Variants in TBX10 observed in about 807,000 individuals in gnomAD.
The protein encoded by TBX10 is T-box transcription factor 10, also known as T-box transcription factor TBX10.
Under a neutral mutation model 32.4 loss-of-function variants are expected in TBX10, and 26 were observed. That is an observed-to-expected ratio of 0.80 (90% CI 0.59 to 1.11). The LOEUF (loss-of-function observed/expected upper bound fraction) is 1.11, where lower values mean the gene tolerates loss of function less well. Ranked by LOEUF, TBX10 falls within the 50% of genes most tolerant of loss-of-function variation. TBX10 has a pLI of 0.00. For missense variants in TBX10, 490 were observed against 494.5 expected (o/e 0.99, Z 0.09); for synonymous variants, 195 against 203.1 (o/e 0.96, Z 0.34).
Position 67,639,520 on chromosome 11 carries a change from G to T in TBX10, c.-48C>A, listed in dbSNP as rs1209195300. ...TCCTGGAGAAACACTGCTTGGCTGG[G>T]GCTGGGAACCTGCCTGCTGGAAGGG... On this transcript the variant is annotated 5_prime_UTR_variant, in exon 1 of 8. Coordinates refer to ENST00000335385, the MANE Select transcript of TBX10 (RefSeq NM_005995.5). 3 of 1,612,284 alleles carry T rather than the reference G, an allele frequency of 1.9e-6. No individual in the cohort carries two copies. The highest frequency in any genetic ancestry group is 1.7e-6 in the Non-Finnish European group (2 of 1,179,646).
At chr11:67,634,156 G>A in intron 4 of TBX10, 33 bp downstream of exon 4, 3 of 1,609,280 alleles carry the variant, frequency 1.9e-6, no homozygotes, top group African/African-American at 1.3e-5. Flanking sequence ...CTGACCCCAG[G>A]CCCTTCCGTC....
chr11:67,632,372 T>C lies in TBX10; in HGVS notation c.814A>G (p.Ser272Gly). The change falls in exon 7 of 8, where the codon AGT becomes GGT. Residue 272 changes from serine (S) to glycine (G), a missense_variant. Ser to Gly is a moderately conservative substitution (Grantham distance 56). Around this residue, in one of 3 missense-constraint regions of TBX10, gnomAD observed 177 missense variants for 176.6 expected, o/e 1.00. Coordinates refer to ENST00000335385, the MANE Select transcript of TBX10 (RefSeq NM_005995.5). ...ACACAGGGACTGAGGCTGCTGTGAC[T>C]CCGGGCTGGGACACTGAGCAGGGGC... ...PRPLLSVPARSHSSLSPCVLK... is the reference protein window; with the variant it reads ...PRPLLSVPARGHSSLSPCVLK... The C allele has an allele frequency of 6.2e-7, 1 of 1,613,186 alleles. No individual in the cohort carries two copies. Among genetic ancestry groups the C allele is most frequent in the Non-Finnish European group, 8.5e-7 (1 of 1,180,018 alleles).
upstream of TBX10, among the ~76,000 whole-genome samples, chr11:67,640,703 C>A (rs1377688583): frequency 6.6e-6 from 1 of 152,164 alleles, no homozygotes; most frequent in African/African-American, 2.4e-5. Flanking sequence ...GGCTGGAGCC[C>A]CCCATACCTC....
chr11:67,636,597 A>G (rs1183683803), intron 1 of TBX10, among the ~76,000 whole-genome samples: 1 of 152,012 alleles, frequency 6.6e-6, no homozygotes, highest in Non-Finnish European at 1.5e-5. Flanking sequence ...TCCCTGGTTC[A>G]AAAGATTCTC....
At chr11:67,641,719 G>A (rs1426291066), upstream of TBX10, among the ~76,000 whole-genome samples, 6 of 152,238 alleles carry the variant, frequency 3.9e-5, no homozygotes, top group African/African-American at 7.2e-5. Flanking sequence ...TTAGGCTCAG[G>A]CAGGTGCGGG....
Position 67,633,114 on chromosome 11 carries a change from G to C in TBX10, c.550-11C>G. 6.2e-7 allele frequency: 1 copy of C among 1,613,328 alleles called. No homozygotes were observed. The highest frequency in any genetic ancestry group is 8.5e-7 in the Non-Finnish European group (1 of 1,179,490). ...AGAGTTGAGAATGATCTGTGGAAGGGACAGAGCAGGGGTACAGGGGTGAGG... is the reference window on the plus strand; with the variant it reads ...AGAGTTGAGAATGATCTGTGGAAGGCACAGAGCAGGGGTACAGGGGTGAGG... On this transcript the variant is annotated splice_polypyrimidine_tract_variant and intron_variant, in intron 4 of 7. Coordinates refer to ENST00000335385, the MANE Select transcript of TBX10 (RefSeq NM_005995.5).
intron 5 of TBX10, 32 bp downstream of exon 5, chr11:67,632,916 T>G: frequency 6.2e-7 from 1 of 1,614,150 alleles, no homozygotes; most frequent in Non-Finnish European, 8.5e-7. Context: ...GAAATGGGCC[T>G]GCAGCGGGTG....
Position 67,631,419 on chromosome 11 carries a change from C to G in TBX10, c.*186G>C. On this transcript the variant is annotated 3_prime_UTR_variant, in exon 8 of 8. Transcript: ENST00000335385. Reference sequence around the variant, plus strand: ...CTGCTGGGGTTGGGAGATAGAAGTCCTGGTTCCAAGCTTGCCATGGTCCCA... The same window carrying G: ...CTGCTGGGGTTGGGAGATAGAAGTCGTGGTTCCAAGCTTGCCATGGTCCCA... The G allele has an allele frequency of 2.7e-6, 2 of 731,654 alleles. No individual in the cohort carries two copies. Among genetic ancestry groups the G allele is most frequent in the Non-Finnish European group, 2.2e-6 (1 of 455,384 alleles). The allele number at this position is 731,654 out of a possible 1,614,324, so 45.3% of individuals were successfully genotyped here.
In TBX10 at chr11:67,635,127, A is replaced by G; in HGVS notation, c.144T>C (p.Ala48=). The G allele has an allele frequency of 6.2e-7, 1 of 1,613,800 alleles. No homozygotes were observed. The highest frequency in any genetic ancestry group is 8.5e-7 in the Non-Finnish European group (1 of 1,180,026). ...GPCTSSTGAQ[A]VAEPTGQGPK... ...GGCCCTGCCCAGTGGGCTCGGCCAC[A>G]GCTTGGGCCCCAGTAGAGCTGGTGC... is the stretch of plus-strand genomic sequence containing the variant. Residue 48 remains alanine, a synonymous_variant, in exon 2 of 8, where the codon GCT becomes GCC. Coordinates refer to ENST00000335385, the MANE Select transcript of TBX10 (RefSeq NM_005995.5).
At chr11:67,638,915 A>G (rs1175040425) in intron 1 of TBX10, among the ~76,000 whole-genome samples, 1 of 151,972 alleles carries the variant, frequency 6.6e-6, no homozygotes, top group Admixed American at 6.6e-5. Flanking sequence ...AATGGGTCCC[A>G]AGGTGGGGGG....
chr11:67,634,684 G>A lies in TBX10; in HGVS notation c.377+132C>T, dbSNP rs115175343. 4.6e-3 allele frequency: 4,723 copies of A among 1,030,154 alleles called. 127 individuals carry two copies. The African/African-American group carries it at 0.063, about 14-fold the overall frequency. The allele number at this position is 1,030,154 out of a possible 1,614,324, so 63.8% of individuals were successfully genotyped here. A position where few individuals can be genotyped will look rare whatever the true frequency, so the allele number is the denominator to read the frequency against. ...CTCAGGCTGTTGTTGCGTGTCTGTC[G>A]TCCTGCCCTTAGGCTGGACCTCCCT... is the stretch of plus-strand genomic sequence containing the variant. On this transcript the variant is annotated intron_variant, in intron 3 of 7. Transcript: ENST00000335385.
At chr11:67,639,776 G>A (rs1238245949), upstream of TBX10, among the ~76,000 whole-genome samples, 2 of 152,232 alleles carry the variant, frequency 1.3e-5, no homozygotes, top group Non-Finnish European at 2.9e-5. Context: ...CCAAGGCTGT[G>A]CGGGAGGAGG....
intron 1 of TBX10, among the ~76,000 whole-genome samples, chr11:67,638,318 C>T (rs1291881993): frequency 6.6e-6 from 1 of 151,826 alleles, no homozygotes; most frequent in East Asian, 1.9e-4. Flanking sequence ...GAAAAAAATC[C>T]TGAGAAACAG....
At chr11:67,634,120 A>G (rs1237819046) in intron 4 of TBX10, 69 bp downstream of exon 4, 7 of 1,595,462 alleles carry the variant, frequency 4.4e-6, no homozygotes, top group Middle Eastern at 3.4e-4. Flanking sequence ...CACCAAGGCC[A>G]TTGGACACCA....
intron 3 of TBX10, 36 bp downstream of exon 3, chr11:67,634,780 G>A: frequency 6.2e-7 from 1 of 1,602,590 alleles, no homozygotes; most frequent in East Asian, 2.2e-5. Flanking sequence ...CTCAGCACCT[G>A]AGACCTGAGC....
At chr11:67,635,865 T>C (rs1210027702) in intron 1 of TBX10, among the ~76,000 whole-genome samples, 1 of 152,054 alleles carries the variant, frequency 6.6e-6, no homozygotes, top group Non-Finnish European at 1.5e-5. Flanking sequence ...TTTTCTCTGG[T>C]CTCTGCACTC....
chr11:67,633,048 T>G lies in TBX10; in HGVS notation c.605A>C (p.Asp202Ala), dbSNP rs1379520205. ...ATAGCGCTCACTGTCCTTGCGTGGG[T>G]CCACGAAGACCACGTGGAAACGGGG... is the stretch of plus-strand genomic sequence containing the variant. Reference protein sequence around the residue: ...YQPRFHVVFVDPRKDSERYAQ... With the variant: ...YQPRFHVVFVAPRKDSERYAQ... Residue 202 changes from aspartate (D) to alanine (A), a missense_variant, in exon 5 of 8, where the codon GAC (aspartate) becomes GCC (alanine). Physicochemically the swap from Asp to Ala is moderately radical, Grantham distance 126. Around this residue, in one of 3 missense-constraint regions of TBX10, gnomAD observed 307 missense variants for 294.9 expected, o/e 1.04. Coordinates refer to ENST00000335385, the MANE Select transcript of TBX10 (RefSeq NM_005995.5). 6.2e-7 allele frequency: 1 copy of G among 1,614,000 alleles called. No homozygotes were observed. Among genetic ancestry groups the G allele is most frequent in the Non-Finnish European group, 8.5e-7 (1 of 1,179,982 alleles).
rs889574216 is a variant in TBX10 at position 67,639,376 on chromosome 11, A to C, written c.7+90T>G. 3.5e-6 allele frequency: 5 copies of C among 1,425,188 alleles called. No homozygotes were observed. The African/African-American group carries it at 5.6e-5, about 16-fold the overall frequency. The allele number at this position is 1,425,188 out of a possible 1,614,324, so 88.3% of individuals were successfully genotyped here. ...ACCCTCTTGTGAAGGACCTGGGTTC[A>C]GCGGGGCTGTCTTGGTTCCCACCCT... On this transcript the variant is annotated intron_variant, in intron 1 of 7. Coordinates refer to ENST00000335385, the MANE Select transcript of TBX10 (RefSeq NM_005995.5).
At chr11:67,639,320 C>A in intron 1 of TBX10, 146 bp downstream of exon 1, 1 of 1,190,900 alleles carries the variant, frequency 8.4e-7, no homozygotes, top group Admixed American at 2.0e-5. Flanking sequence ...CCGTTGGGAT[C>A]TCAGACCTTA....
Sources: allele counts gnomAD v4.1 joint callset (sites outside exome capture counted in the v4.1 genomes callset), GRCh38; gene constraint gnomAD v4.1.1; regional missense constraint gnomAD v4.1.1; transcripts MANE v1.5; gene names NCBI Gene and HGNC (gene_info 2026-07-23, HGNC 2026-07-21).